Variants in MYO5B observed in about 807,000 individuals in gnomAD.
The protein encoded by MYO5B is unconventional myosin-Vb.
Under a neutral mutation model 229.3 loss-of-function variants are expected in MYO5B, and 143 were observed. That is an observed-to-expected ratio of 0.62 (90% confidence interval 0.54 to 0.72). The LOEUF (loss-of-function observed/expected upper bound fraction) is 0.72, where lower values mean the gene tolerates loss of function less well. Ranked by LOEUF, MYO5B falls within the 30% of genes least tolerant of loss-of-function variation. The pLI, the probability that MYO5B is intolerant of heterozygous loss-of-function variation, is 0.00. For missense variants in MYO5B, 2,321 were observed against 2,331.0 expected (o/e 1.00, Z 0.09); for synonymous variants, 918 against 885.2 (o/e 1.04, Z -0.66).
intron 3 of MYO5B, 44 bp from the exon 4 acceptor site, chr18:50,037,038 A>AC: frequency 1.2e-6 from 2 of 1,612,294 alleles, no homozygotes; most frequent in Non-Finnish European, 1.7e-6. Context: ...CACAGAAGAC[A>AC]CCTGGCATTA....
At position 50,170,300 on chromosome 18, in the gene MYO5B, C is replaced by T. The variant is rs2032906214; in HGVS notation, c.27+24467G>A. 2.4e-5 allele frequency among the ~76,000 whole-genome samples: 3 copies of T among 126,876 alleles called. 1 individual carries two copies. The highest frequency in any genetic ancestry group is 5.0e-5 in the Non-Finnish European group (3 of 59,698). 83.2% of individuals were successfully genotyped at this position (126,876 alleles called of 152,430 possible). On this transcript the variant is annotated intron_variant, in intron 1 of 39. Transcript: ENST00000285039. Reference sequence around the variant, plus strand: ...GAGTCAAAGCAGGTTTTCAAGTTTTCCATCAGAAATGTACTATTTCGATAA... The same window carrying T: ...GAGTCAAAGCAGGTTTTCAAGTTTTTCATCAGAAATGTACTATTTCGATAA...
intron 1 of MYO5B, among the ~76,000 whole-genome samples, chr18:50,149,215 C>T (rs1315911647): frequency 1.3e-5 from 2 of 152,146 alleles, no homozygotes; most frequent in African/African-American, 4.8e-5. Flanking sequence ...ACATTCCATG[C>T]TCATGGATAG....
chr18:49,878,818 A>T, intron 24 of MYO5B, 127 bp downstream of exon 24: 1 of 1,152,212 alleles, frequency 8.7e-7, no homozygotes, highest in Non-Finnish European at 1.3e-6. Context: ...CAGTAATGGC[A>T]AGTGCTGCAC....
intron 1 of MYO5B, among the ~76,000 whole-genome samples, chr18:50,163,445 T>C (rs548472464): frequency 6.6e-6 from 1 of 152,312 alleles, no homozygotes; most frequent in African/African-American, 2.4e-5. Context: ...GGCTTTTTAC[T>C]TTTTCTACCT....
intron 12 of MYO5B, among the ~76,000 whole-genome samples, chr18:49,960,967 T>G (rs1460670758): frequency 6.6e-6 from 1 of 152,102 alleles, no homozygotes; most frequent in African/African-American, 2.4e-5. Context: ...GAGGCCTGGG[T>G]TGGACACAAG....
intron 7 of MYO5B, among the ~76,000 whole-genome samples, 162 bp downstream of exon 7, chr18:49,990,276 CT>C (rs2025915097): frequency 6.6e-6 from 1 of 152,154 alleles, no homozygotes; most frequent in Admixed American, 6.5e-5. Flanking sequence ...CCCTCTTTTA[CT>C]AATTGAGCAG....
At chr18:49,991,979 T>C (rs2025938680) in intron 6 of MYO5B, among the ~76,000 whole-genome samples, 1 of 152,204 alleles carries the variant, frequency 6.6e-6, no homozygotes, top group African/African-American at 2.4e-5. Context: ...GACTTTAAAA[T>C]CCATAAGGAA....
intron 12 of MYO5B, among the ~76,000 whole-genome samples, chr18:49,957,138 G>T (rs1893452): frequency 8.4e-6 from 1 of 118,418 alleles, no homozygotes; most frequent in East Asian, 2.5e-4. Flanking sequence ...GTAAAATAAA[G>T]TAGCAAAAAA....
chr18:49,875,929 T>C, intron 25 of MYO5B, 102 bp from the exon 26 acceptor site: 1 of 1,338,940 alleles, frequency 7.5e-7, no homozygotes, highest in South Asian at 1.2e-5. Context: ...ATCTGTCTCC[T>C]CTCTCCTCCC....
intron 10 of MYO5B, among the ~76,000 whole-genome samples, chr18:49,967,762 C>G (rs1426240572): frequency 6.6e-6 from 1 of 152,156 alleles, no homozygotes; most frequent in African/African-American, 2.4e-5. Flanking sequence ...CTTCTGATCT[C>G]TTTACTGAAC....
chr18:49,951,107 TG>T (rs1330143328), intron 14 of MYO5B, among the ~76,000 whole-genome samples: 1 of 152,136 alleles, frequency 6.6e-6, no homozygotes, highest in Non-Finnish European at 1.5e-5. Flanking sequence ...TCAAAAGAAG[TG>T]TCATGACTTG....
intron 29 of MYO5B, among the ~76,000 whole-genome samples, chr18:49,857,354 G>A (rs1220894944): frequency 6.6e-6 from 1 of 152,234 alleles, no homozygotes; most frequent in Non-Finnish European, 1.5e-5. Flanking sequence ...GGAGGAAGCG[G>A]GAGGCAGTGA....
intron 8 of MYO5B, among the ~76,000 whole-genome samples, chr18:49,983,843 A>G (rs1178809561): frequency 6.6e-6 from 1 of 152,146 alleles, no homozygotes; most frequent in Non-Finnish European, 1.5e-5. Context: ...CTCCCCATAG[A>G]GAGGTTAAGG....
intron 4 of MYO5B, among the ~76,000 whole-genome samples, chr18:50,029,240 C>T (rs2026363293): frequency 6.6e-6 from 1 of 152,162 alleles, no homozygotes; most frequent in Non-Finnish European, 1.5e-5. Flanking sequence ...TGTGCACTGG[C>T]ATGGCTGTGC....
chr18:49,959,595 C>T (rs2025534184), intron 12 of MYO5B, among the ~76,000 whole-genome samples: 1 of 152,196 alleles, frequency 6.6e-6, no homozygotes, highest in African/African-American at 2.4e-5. Flanking sequence ...ACAAAGAATC[C>T]TCATCACAGG....
chr18:50,074,864 G>A (rs2031042402), intron 1 of MYO5B, among the ~76,000 whole-genome samples: 1 of 151,866 alleles, frequency 6.6e-6, no homozygotes, highest in South Asian at 2.1e-4. Context: ...TCTGTCGCCC[G>A]GGCTGGAGTG....
chr18:49,902,627 C>T lies in MYO5B; in HGVS notation c.2778G>A (p.Lys926=), dbSNP rs776290245. 3 of 1,613,318 alleles carry T rather than the reference C, an allele frequency of 1.9e-6. No individual in the cohort carries two copies. The South Asian group carries it at 3.3e-5, about 18-fold the overall frequency. ...CGATCTTCCGCTGCAGCTGGACCACCTTGTTCTCCATGCCCACGTTGAGAC... is the reference window on the plus strand; with the variant it reads ...CGATCTTCCGCTGCAGCTGGACCACTTTGTTCTCCATGCCCACGTTGAGAC... ...LKRLNVGMEN[K]VVQLQRKIDE... is the part of the protein sequence containing the mutation. Residue 926 remains lysine (K), a synonymous_variant, in exon 21 of 40, where the codon AAG becomes AAA. Transcript: ENST00000285039.
At chr18:50,117,974 G>A (rs1568113595) in intron 1 of MYO5B, among the ~76,000 whole-genome samples, 2 of 152,172 alleles carry the variant, frequency 1.3e-5, no homozygotes, top group Non-Finnish European at 2.9e-5. Context: ...CTCCTGCACT[G>A]CCAGATTTCA....
At chr18:49,932,131 ATTCCTTAAAAGTACTG>A (rs976892352) in intron 16 of MYO5B, among the ~76,000 whole-genome samples, 1 of 152,142 alleles carries the variant, frequency 6.6e-6, no homozygotes, top group Non-Finnish European at 1.5e-5. Flanking sequence ...GAACCCCGTC[ATTCCTTAAAAGTACTG>A]CTCCTCCTCC....
Sources: allele counts gnomAD v4.1 joint callset (sites outside exome capture counted in the v4.1 genomes callset), GRCh38; gene constraint gnomAD v4.1.1; transcripts MANE v1.5; gene names NCBI Gene and HGNC (gene_info 2026-07-23, HGNC 2026-07-21).